The following CSMD1 variants were observed in gnomAD, a reference collection of about 807,000 sequenced individuals.
The protein encoded by CSMD1 is CUB and sushi domain-containing protein 1.
Under a neutral mutation model 417.5 loss-of-function variants are expected in CSMD1, and 213 were observed. That is an observed-to-expected ratio of 0.51 (90% confidence interval 0.46 to 0.57). The LOEUF is 0.57. CSMD1 is among the 20% of genes least tolerant of loss of function. The probability of loss-of-function intolerance (pLI) is 0.00; values close to 1 mark genes in which losing one functional copy is unlikely to be tolerated. For missense variants in CSMD1, 6,923 were observed against 4,529.7 expected (o/e 1.53, Z -15.17); for synonymous variants, 2,862 against 1,736.8 (o/e 1.65, Z -16.11).
intron 1 of CSMD1, among the ~76,000 whole-genome samples, chr8:4,712,431 T>G (rs1016734988): frequency 6.6e-6 from 1 of 152,172 alleles, no homozygotes; most frequent in Non-Finnish European, 1.5e-5. Flanking sequence ...CAGGACTACC[T>G]ACTCTTACTC....
At chr8:4,956,517 G>T (rs569994930) in intron 1 of CSMD1, among the ~76,000 whole-genome samples, 2 of 147,310 alleles carry the variant, frequency 1.4e-5, no homozygotes, top group Admixed American at 6.8e-5. Flanking sequence ...ATATACACAC[G>T]TATTTTAAAT....
intron 42 of CSMD1, chr8:3,112,893 A>G (rs2129016782): frequency 6.6e-6 from 1 of 152,382 alleles, no homozygotes; most frequent in South Asian, 2.1e-4. Flanking sequence ...GATAGAAAAA[A>G]AGAGGACCCT....
chr8:3,225,450 A>G (rs1798441770), intron 27 of CSMD1, among the ~76,000 whole-genome samples: 1 of 151,910 alleles, frequency 6.6e-6, no homozygotes, highest in Non-Finnish European at 1.5e-5. Flanking sequence ...CAGCTCTCAC[A>G]GGGCAGTGCC....
chr8:3,118,713 T>C (rs1475396669), intron 41 of CSMD1, 126 bp from the exon 42 acceptor site: 1 of 759,360 alleles, frequency 1.3e-6, no homozygotes, highest in Non-Finnish European at 2.1e-6. Flanking sequence ...ATAAGGTATA[T>C]TTTCTAAGTA....
intron 6 of CSMD1, among the ~76,000 whole-genome samples, chr8:3,742,920 G>T (rs191565755): frequency 2.6e-5 from 4 of 152,316 alleles, no homozygotes; most frequent in African/African-American, 9.6e-5. Context: ...AATGCGCTGA[G>T]CAGCCTCATG....
At chr8:4,498,377 G>A (rs1298223071) in intron 2 of CSMD1, among the ~76,000 whole-genome samples, 2 of 152,078 alleles carry the variant, frequency 1.3e-5, no homozygotes, top group Non-Finnish European at 2.9e-5. Flanking sequence ...TATATAGCAT[G>A]TGCATATTTT....
intron 5 of CSMD1, among the ~76,000 whole-genome samples, chr8:3,844,843 G>T (rs1259915142): frequency 6.6e-6 from 1 of 152,004 alleles, no homozygotes; most frequent in Non-Finnish European, 1.5e-5. Flanking sequence ...GTCTTTTGAA[G>T]GGAAAAATGT....
intron 5 of CSMD1, among the ~76,000 whole-genome samples, chr8:3,857,212 GTAAT>G (rs778401234): frequency 6.6e-6 from 1 of 152,168 alleles, no homozygotes; most frequent in East Asian, 1.9e-4. Context: ...ACAGGAGGGA[GTAAT>G]TAATTGATAC....
chr8:4,526,980 C>T (rs892965599), intron 2 of CSMD1, among the ~76,000 whole-genome samples: 1 of 152,174 alleles, frequency 6.6e-6, no homozygotes, highest in Non-Finnish European at 1.5e-5. Flanking sequence ...TACCATCTAT[C>T]CACATCCTCT....
chr8:4,975,663 C>T (rs910309499), intron 1 of CSMD1, among the ~76,000 whole-genome samples: 9 of 152,096 alleles, frequency 5.9e-5, no homozygotes, highest in African/African-American at 9.7e-5. Flanking sequence ...AGTGAGGTAA[C>T]GGTAATTCAA....
At chr8:3,525,861 T>C (rs1797731973) in intron 10 of CSMD1, among the ~76,000 whole-genome samples, 1 of 152,042 alleles carries the variant, frequency 6.6e-6, no homozygotes, top group East Asian at 1.9e-4. Flanking sequence ...GAACCCCCAT[T>C]AGAAAATGTT....
At chr8:3,843,445 G>T (rs1803263685) in intron 5 of CSMD1, among the ~76,000 whole-genome samples, 1 of 152,028 alleles carries the variant, frequency 6.6e-6, no homozygotes, top group African/African-American at 2.4e-5. Flanking sequence ...AAGAATAACA[G>T]CCAGCCAAAG....
At chr8:4,186,694 A>G (rs900249452) in intron 3 of CSMD1, among the ~76,000 whole-genome samples, 3 of 152,084 alleles carry the variant, frequency 2.0e-5, no homozygotes, top group Admixed American at 6.6e-5. Context: ...TTAAGACTAA[A>G]TATTTTTTTC....
chr8:3,551,563 T>A lies in CSMD1; in HGVS notation c.1344+23382A>T, dbSNP rs559668526. Among the ~76,000 whole-genome samples, 303 of 148,668 alleles carry A rather than the reference T, an allele frequency of 2.0e-3. 2 individuals carry two copies. The highest frequency in any genetic ancestry group is 6.7e-3 in the African/African-American group (274 of 40,776). ...TGGTAAAGCTCTCTTTTCAGAATTG[T>A]CTTCTAATAAATATGTATATATATA... On this transcript the variant is annotated intron_variant, in intron 10 of 69. Coordinates refer to ENST00000635120, the MANE Select transcript of CSMD1 (RefSeq NM_033225.6).
At chr8:3,185,290 T>G (rs774548064) in intron 36 of CSMD1, among the ~76,000 whole-genome samples, 15 of 152,188 alleles carry the variant, frequency 9.9e-5, no homozygotes, top group Non-Finnish European at 1.9e-4. Flanking sequence ...CCTGGCTAAC[T>G]CCAAAAACTG....
intron 5 of CSMD1, among the ~76,000 whole-genome samples, chr8:3,956,445 T>A (rs1417494525): frequency 6.6e-6 from 1 of 152,154 alleles, no homozygotes; most frequent in Non-Finnish European, 1.5e-5. Flanking sequence ...GCTGTTGCCT[T>A]GTGATAGCTT....
At chr8:4,829,574 T>C (rs1216799675) in intron 1 of CSMD1, among the ~76,000 whole-genome samples, 1 of 151,922 alleles carries the variant, frequency 6.6e-6, no homozygotes, top group Non-Finnish European at 1.5e-5. Context: ...ACCTCATCTT[T>C]ATAGAAAATT....
At position 4,296,853 on chromosome 8, in the gene CSMD1, C is replaced by T. The variant is rs77496271; in HGVS notation, c.415+123100G>A. On this transcript the variant is annotated intron_variant, in intron 3 of 69. Coordinates refer to ENST00000635120, the MANE Select transcript of CSMD1 (RefSeq NM_033225.6). ...TATCTGTGGAGGGCCTGCTATCTCC[C>T]AGACTTGTCTTAGACTCCCAATTTT... Among the ~76,000 whole-genome samples the T allele has an allele frequency of 2.3e-3, 343 of 152,098 alleles. 7 individuals are homozygous for T. Among genetic ancestry groups the T allele is most frequent in the Admixed American group, 0.016 (251 of 15,252 alleles).
intron 5 of CSMD1, among the ~76,000 whole-genome samples, chr8:3,963,808 G>C (rs1480543217): frequency 6.6e-6 from 1 of 152,068 alleles, no homozygotes; most frequent in Non-Finnish European, 1.5e-5. Flanking sequence ...TTAATATTTT[G>C]AAATAAAATC....
Sources: gnomAD v4.1 joint callset for allele counts (sites outside exome capture counted in the v4.1 genomes callset) on GRCh38, gnomAD v4.1.1 for gene constraint, MANE v1.5 for transcripts, NCBI Gene and HGNC (gene_info 2026-07-23, HGNC 2026-07-21) for gene names.